CEP152: variants seen among roughly 807,000 people sequenced by gnomAD.
CEP152 encodes centrosomal protein 152.
Under a neutral mutation model 188.9 loss-of-function variants are expected in CEP152, and 132 were observed. The observed-to-expected ratio is 0.70, with a 90% confidence interval of 0.61 to 0.81. The LOEUF (loss-of-function observed/expected upper bound fraction) is 0.81, where lower values mean the gene tolerates loss of function less well. CEP152 is among the 30% of genes least tolerant of loss of function. The pLI is 0.00. For synonymous variants in CEP152, 649 were observed against 666.6 expected (o/e 0.97, Z 0.41); for missense variants, 1,914 against 1,969.8 (o/e 0.97, Z 0.54).
In CEP152 at chr15:48,796,171, A is replaced by G; in HGVS notation, c.541-11T>C. On this transcript the variant is annotated splice_polypyrimidine_tract_variant and intron_variant, in intron 5 of 26. Coordinates refer to ENST00000380950, the MANE Select transcript of CEP152 (RefSeq NM_001194998.2). The stretch of plus-strand genomic sequence containing the variant: ...TTGACAACTGGGACCCTGTGATAAC[A>G]AATGAAACTGACAATTAAGATTTGG... 6.2e-7 allele frequency: 1 copy of G among 1,613,362 alleles called. No homozygotes were observed. Among genetic ancestry groups the G allele is most frequent in the Non-Finnish European group, 8.5e-7 (1 of 1,179,580 alleles).
chr15:48,730,855 A>G (rs1457311797), intron 2 of CEP152, among the ~76,000 whole-genome samples: 2 of 152,170 alleles, frequency 1.3e-5, no homozygotes, highest in African/African-American at 2.4e-5. Context: ...ATAATAATAA[A>G]CCAGCAATAA....
At chr15:48,793,836 TA>T (rs1198209377) in intron 6 of CEP152, among the ~76,000 whole-genome samples, 1 of 152,156 alleles carries the variant, frequency 6.6e-6, no homozygotes, top group Non-Finnish European at 1.5e-5. Flanking sequence ...AATCAGTATA[TA>T]ACAACTGCAA....
At chr15:48,754,755 A>G (rs1177364413) in intron 20 of CEP152, among the ~76,000 whole-genome samples, 2 of 152,216 alleles carry the variant, frequency 1.3e-5, no homozygotes, top group African/African-American at 4.8e-5. Context: ...TGCCATGCAT[A>G]TCCTACCCAA....
rs376322690 is a variant in CEP152, at chr15:48,741,598, T to C, written c.4093+3A>G. 1.9e-5 allele frequency: 30 copies of C among 1,614,050 alleles called. No homozygotes were observed. Among genetic ancestry groups the C allele is most frequent in the Non-Finnish European group, 2.5e-5 (30 of 1,180,024 alleles). On this transcript the variant is annotated splice_donor_region_variant and intron_variant, in intron 26 of 26. Transcript: ENST00000380950. Reference sequence around the variant, plus strand: ...AACCATTTGGCGACTCACTTTGACATACCTGACTGTGTAGTTTTGCTTTGG... The same window carrying C: ...AACCATTTGGCGACTCACTTTGACACACCTGACTGTGTAGTTTTGCTTTGG...
intron 9 of CEP152, among the ~76,000 whole-genome samples, chr15:48,788,481 G>A (rs988319735): frequency 2.6e-5 from 4 of 151,296 alleles, no homozygotes; most frequent in Non-Finnish European, 5.9e-5. Flanking sequence ...TTACAGGCAC[G>A]CACCACTGCG....
In CEP152 at chr15:48,797,302, T is replaced by C. The variant is rs773902934; in HGVS notation, c.539A>G (p.Gln180Arg). ...TTGAAAGTCAAGTTTTTACAATACC[T>C]GAAAATGGTTCCATTGAGGATCTGA... ...KFSDPQWNHF[Q>R]GPSCQGLEPY... is the part of the protein sequence containing the mutation. The change falls in exon 5 of 27, where the codon CAG (glutamine) becomes CGG (arginine). Residue 180 changes from glutamine (Q) to arginine (R), a missense_variant and splice_region_variant. Gln to Arg is a conservative substitution (Grantham distance 43, BLOSUM62 1). Coordinates refer to ENST00000380950, the MANE Select transcript of CEP152 (RefSeq NM_001194998.2). The C allele has an allele frequency of 2.5e-6, 4 of 1,613,864 alleles. No individual in the cohort carries two copies. Among genetic ancestry groups the C allele is most frequent in the Non-Finnish European group, 3.4e-6 (4 of 1,179,944 alleles).
At chr15:48,748,360 C>T in intron 22 of CEP152, 83 bp downstream of exon 22, 1 of 1,421,816 alleles carries the variant, frequency 7.0e-7, no homozygotes, top group Non-Finnish European at 9.2e-7. Context: ...TCAGTGCACA[C>T]ATTAACTAAA....
Position 48,793,354 on chromosome 15 carries a change from G to C in CEP152, c.799C>G (p.Arg267Gly), listed in dbSNP as rs376895274. ...ATTACAAGCTGGTGATTCAGATATC[G>C]AATTTGACGTTCACTTTCATTTAAC... ...EKLNESERQI[R>G]YLNHQLVIIK... Residue 267 changes from arginine to glycine, a missense_variant, in exon 7 of 27, where the codon CGA becomes GGA. Physicochemically the swap from Arg to Gly is moderately radical, Grantham distance 125 (BLOSUM62 -2). Transcript: ENST00000380950. 16 of 1,613,940 alleles carry C rather than the reference G, an allele frequency of 9.9e-6. No individual in the cohort carries two copies. The highest frequency in any genetic ancestry group is 1.3e-5 in the Non-Finnish European group (15 of 1,179,954).
At chr15:48,792,123 G>C (rs1897030125) in intron 7 of CEP152, among the ~76,000 whole-genome samples, 1 of 152,072 alleles carries the variant, frequency 6.6e-6, no homozygotes, top group African/African-American at 2.4e-5. Context: ...CTCCTGAGTA[G>C]CTGGGACTAC....
At chr15:48,734,932 A>G (rs1892547045), downstream of CEP152, among the ~76,000 whole-genome samples, 1 of 152,236 alleles carries the variant, frequency 6.6e-6, no homozygotes. Flanking sequence ...CAGAGATTAC[A>G]ATATCTCACT....
rs147979052 is a variant in CEP152 at position 48,746,033 on chromosome 15, C to T, written c.3635-1041G>A. ...CTATTCCCCCTGGTGATGGATATAA[C>T]TTTTTGTTTTAAACAACTCACTCCC... is the stretch of plus-strand genomic sequence containing the variant. On this transcript the variant is annotated intron_variant, in intron 22 of 26. Transcript: ENST00000380950. Among the ~76,000 whole-genome samples, 49 of 152,170 alleles carry T rather than the reference C, an allele frequency of 3.2e-4. No homozygotes were observed. The East Asian group carries it at 8.9e-3, about 28-fold the overall frequency.
At position 48,793,418 on chromosome 15, in the gene CEP152, G is replaced by A. The variant is rs1189591273; in HGVS notation, c.735C>T (p.Asn245=). 1 of 1,613,606 alleles carries A rather than the reference G, an allele frequency of 6.2e-7. No homozygotes were observed. Among genetic ancestry groups the A allele is most frequent in the Non-Finnish European group, 8.5e-7 (1 of 1,179,866 alleles). Residue 245 remains asparagine, a synonymous_variant, in exon 7 of 27, where the codon AAC becomes AAT. Coordinates refer to ENST00000380950, the MANE Select transcript of CEP152 (RefSeq NM_001194998.2). ...TCTCCAGTTGTCTCTCTTTTGCTTT[G>A]TTAAGAACCTGAAGTTGAATAATCT... ...NMQIIQLQVL[N]KAKERQLENL...
At chr15:48,782,055 A>T in intron 11 of CEP152, 84 bp downstream of exon 11, 2 of 1,280,678 alleles carry the variant, frequency 1.6e-6, no homozygotes, top group South Asian at 2.4e-5. Context: ...TCTATTATAC[A>T]GAGAAACCCA....
At chr15:48,789,240 G>A (rs770861135) in intron 8 of CEP152, 46 of 546,864 alleles carry the variant, frequency 8.4e-5, no homozygotes, top group Non-Finnish European at 1.4e-4. Flanking sequence ...GTAGATACCT[G>A]AGGGGAGTGA....
rs1318899491 is a variant in CEP152 at position 48,769,008 on chromosome 15, T to C, written c.1856A>G (p.Asp619Gly). The C allele has an allele frequency of 6.3e-7, 1 of 1,592,004 alleles. No individual in the cohort carries two copies. The highest frequency in any genetic ancestry group is 1.3e-5 in the African/African-American group (1 of 74,566). Residue 619 changes from aspartate (D) to glycine (G), a missense_variant, in exon 14 of 27, where the codon GAT (aspartate) becomes GGT (glycine). Physicochemically the swap from Asp to Gly is moderately conservative, Grantham distance 94. Coordinates refer to ENST00000380950, the MANE Select transcript of CEP152 (RefSeq NM_001194998.2). ...TTCATTTTTAAGCAGCAGAATATCA[T>C]CTCTGACAACATCAGAAGTAGAAGA... ...PESSTSDVVR[D>G]DILLLKNEIQ...
chr15:48,802,233 G>C (rs1174431989), intron 2 of CEP152, among the ~76,000 whole-genome samples: 6 of 152,122 alleles, frequency 3.9e-5, no homozygotes, highest in African/African-American at 4.8e-5. Context: ...TATTTTCTGG[G>C]ACAGCTTTAT....
At chr15:48,804,630 T>C (rs1897867925) in intron 2 of CEP152, among the ~76,000 whole-genome samples, 1 of 152,248 alleles carries the variant, frequency 6.6e-6, no homozygotes, top group Non-Finnish European at 1.5e-5. Context: ...GAACATTTGC[T>C]ATGTGCCAAG....
intron 13 of CEP152, among the ~76,000 whole-genome samples, chr15:48,769,632 AT>A (rs1895387668): frequency 6.6e-6 from 1 of 152,178 alleles, no homozygotes; most frequent in African/African-American, 2.4e-5. Context: ...TAAACTTACT[AT>A]TTTTTGTTTT....
chr15:48,767,249 G>A (rs1169875745), intron 16 of CEP152, 57 bp from the exon 17 acceptor site: 3 of 1,613,518 alleles, frequency 1.9e-6, no homozygotes, highest in Admixed American at 1.7e-5. Flanking sequence ...TACAAGAGCT[G>A]CATAACAAAC....
Sources: gnomAD v4.1 joint callset for allele counts (sites outside exome capture counted in the v4.1 genomes callset) on GRCh38, gnomAD v4.1.1 for gene constraint, MANE v1.5 for transcripts, NCBI Gene and HGNC (gene_info 2026-07-23, HGNC 2026-07-21) for gene names.